TSPAN8: variants seen among roughly 807,000 people sequenced by gnomAD.
TSPAN8 encodes tetraspanin 8, also known as tetraspanin-8.
In TSPAN8, 21 loss-of-function variants were observed where a neutral mutation model predicts 32.8. The observed-to-expected ratio is 0.64, with a 90% confidence interval of 0.45 to 0.92. TSPAN8 has a LOEUF of 0.92. Among genes scored for constraint, TSPAN8 ranks in the 40% least tolerant of loss-of-function variants. The probability of loss-of-function intolerance (pLI) is 0.00; values close to 1 mark genes in which losing one functional copy is unlikely to be tolerated. For missense variants in TSPAN8, 269 were observed against 281.9 expected (o/e 0.95, Z 0.33); for synonymous variants, 95 against 94.6 (o/e 1.00, Z -0.03).
intron 2 of TSPAN8, among the ~76,000 whole-genome samples, chr12:71,148,078 A>G (rs948207008): frequency 4.6e-5 from 7 of 152,186 alleles, no homozygotes; most frequent in Non-Finnish European, 8.8e-5. Flanking sequence ...TCTCTTTCCA[A>G]ATATCCTTCC....
chr12:71,140,109 C>CT (rs1413524811), intron 3 of TSPAN8, among the ~76,000 whole-genome samples: 1 of 152,066 alleles, frequency 6.6e-6, no homozygotes, highest in African/African-American at 2.4e-5. Flanking sequence ...TTTTTAAAAG[C>CT]TTAGGACAGT....
chr12:71,136,097 A>T (rs1453621670), intron 6 of TSPAN8, among the ~76,000 whole-genome samples: 5 of 151,906 alleles, frequency 3.3e-5, no homozygotes, highest in Non-Finnish European at 7.4e-5. Flanking sequence ...GAGGGAGAAA[A>T]AAAAAAGTCA....
At position 71,125,332 on chromosome 12, in the gene TSPAN8, A is replaced by T; in HGVS notation, c.*2T>A. On this transcript the variant is annotated 3_prime_UTR_variant, in exon 9 of 9. Coordinates refer to ENST00000247829, the MANE Select transcript of TSPAN8 (RefSeq NM_004616.3). ...TGACGATAGGTTGATGCATCCACAGATTCATTTGTTCCCGATCTGGCAATA... is the reference window on the plus strand; with the variant it reads ...TGACGATAGGTTGATGCATCCACAGTTTCATTTGTTCCCGATCTGGCAATA... 1 of 1,611,698 alleles carries T rather than the reference A, an allele frequency of 6.2e-7. No individual in the cohort carries two copies. Among genetic ancestry groups the T allele is most frequent in the Non-Finnish European group, 8.5e-7 (1 of 1,179,082 alleles).
chr12:71,138,709 A>G (rs540864451), intron 4 of TSPAN8, among the ~76,000 whole-genome samples: 1 of 152,324 alleles, frequency 6.6e-6, no homozygotes, highest in Non-Finnish European at 1.5e-5. Flanking sequence ...GCCCAAAGAC[A>G]ATTAGCTTTT....
chr12:71,139,825 G>C lies in TSPAN8; in HGVS notation c.147C>G (p.Gly49=). 1.9e-6 allele frequency: 3 copies of C among 1,611,416 alleles called. No individual in the cohort carries two copies. The highest frequency in any genetic ancestry group is 2.5e-6 in the Non-Finnish European group (3 of 1,178,822). The change falls in exon 4 of 9, where the codon GGC becomes GGG. Residue 49 remains glycine, a synonymous_variant. Coordinates refer to ENST00000247829, the MANE Select transcript of TSPAN8 (RefSeq NM_004616.3). ...TGTCCACAGCAACGTAGGAGCTAGAGCCTACATCTTCAGAACCAAAAATCT... is the reference window on the plus strand; with the variant it reads ...TGTCCACAGCAACGTAGGAGCTAGACCCTACATCTTCAGAACCAAAAATCT... The part of the protein sequence containing the change: ...SQAIFGSEDV[G]SSSYVAVDIL...
intron 2 of TSPAN8, among the ~76,000 whole-genome samples, chr12:71,156,250 C>CAAAA (rs763217771): frequency 4.1e-4 from 10 of 24,252 alleles, no homozygotes; most frequent in African/African-American, 7.0e-4. Context: ...CAAAGTTCTC[C>CAAAA]AAAAAAAAAA....
chr12:71,150,068 T>C (rs986616128), intron 2 of TSPAN8, among the ~76,000 whole-genome samples: 4 of 152,196 alleles, frequency 2.6e-5, no homozygotes, highest in Non-Finnish European at 5.9e-5. Flanking sequence ...GTCTGTCTTA[T>C]GTGGTTGAGA....
At chr12:71,135,258 A>AC (rs1871651493) in intron 6 of TSPAN8, among the ~76,000 whole-genome samples, 1 of 73,156 alleles carries the variant, frequency 1.4e-5, no homozygotes, top group Non-Finnish European at 3.0e-5. Context: ...AGGAGGAGGT[A>AC]AGAAGAGGAG....
chr12:71,132,557 T>A, intron 7 of TSPAN8, 136 bp downstream of exon 7: 8 of 1,086,966 alleles, frequency 7.4e-6, no homozygotes, highest in Non-Finnish European at 9.0e-6. Context: ...AGGATTTTTT[T>A]AATTTGGGAA....
chr12:71,147,607 G>A (rs1486194394), intron 2 of TSPAN8, among the ~76,000 whole-genome samples: 1 of 152,198 alleles, frequency 6.6e-6, no homozygotes, highest in East Asian at 1.9e-4. Context: ...TACTAGGACT[G>A]TACTGCTGCT....
At chr12:71,131,781 T>C (rs1197584200) in intron 7 of TSPAN8, among the ~76,000 whole-genome samples, 1 of 151,724 alleles carries the variant, frequency 6.6e-6, no homozygotes, top group Non-Finnish European at 1.5e-5. Flanking sequence ...GGGACAGATG[T>C]CATGTTCTTC....
At chr12:71,147,507 G>T (rs541219495) in intron 2 of TSPAN8, among the ~76,000 whole-genome samples, 2 of 152,236 alleles carry the variant, frequency 1.3e-5, no homozygotes, top group African/African-American at 4.8e-5. Context: ...TATGCAAGTG[G>T]ATAACTACAA....
At chr12:71,140,715 C>G (rs931940289) in intron 3 of TSPAN8, among the ~76,000 whole-genome samples, 8 of 152,194 alleles carry the variant, frequency 5.3e-5, no homozygotes, top group African/African-American at 1.9e-4. Flanking sequence ...TTAGCCTCAG[C>G]CACCTCTTGT....
chr12:71,142,719 A>G (rs1191633056), intron 3 of TSPAN8, among the ~76,000 whole-genome samples: 2 of 151,944 alleles, frequency 1.3e-5, no homozygotes, highest in African/African-American at 2.4e-5. Flanking sequence ...CTCCCACCCA[A>G]TTTCTTCACC....
chr12:71,128,058 C>T (rs1592397638), intron 8 of TSPAN8, among the ~76,000 whole-genome samples: 1 of 152,126 alleles, frequency 6.6e-6, no homozygotes, highest in East Asian at 1.9e-4. Flanking sequence ...AAATAAAATA[C>T]ATCTTACAAA....
intron 6 of TSPAN8, among the ~76,000 whole-genome samples, chr12:71,134,610 C>T (rs1871621178): frequency 6.6e-6 from 1 of 152,214 alleles, no homozygotes; most frequent in South Asian, 2.1e-4. Context: ...AACCTCCTTT[C>T]CTGTTCCCAT....
chr12:71,137,890 A>G, intron 6 of TSPAN8, 63 bp downstream of exon 6: 1 of 1,474,362 alleles, frequency 6.8e-7, no homozygotes, highest in South Asian at 1.3e-5. Context: ...AAGATGTTAA[A>G]AACTAAACAA....
chr12:71,156,190 G>T (rs1872423005), intron 2 of TSPAN8, among the ~76,000 whole-genome samples: 1 of 145,534 alleles, frequency 6.9e-6, no homozygotes, highest in Non-Finnish European at 1.5e-5. Flanking sequence ...GTGGCCACCT[G>T]GGCTGGCCAA....
At chr12:71,153,193 T>C (rs1872313731) in intron 2 of TSPAN8, among the ~76,000 whole-genome samples, 1 of 152,188 alleles carries the variant, frequency 6.6e-6, no homozygotes, top group African/African-American at 2.4e-5. Context: ...ATCTACGATA[T>C]TCCTAGGCTT....
Sources: gnomAD v4.1 joint callset for allele counts (sites outside exome capture counted in the v4.1 genomes callset) on GRCh38, gnomAD v4.1.1 for gene constraint, MANE v1.5 for transcripts, NCBI Gene and HGNC (gene_info 2026-07-23, HGNC 2026-07-21) for gene names.